ADTRP: variants seen among roughly 807,000 people sequenced by gnomAD.
ADTRP encodes androgen dependent TFPI regulating protein, also known as androgen-dependent TFPI-regulating protein.
In ADTRP, 20 loss-of-function variants were observed where a neutral mutation model predicts 27.0. That is an observed-to-expected ratio of 0.74 (90% CI 0.52 to 1.08). The LOEUF is 1.08. Ranked by LOEUF, ADTRP falls within the 50% of genes least tolerant of loss-of-function variation. The pLI is 0.00. For synonymous variants in ADTRP, 101 were observed against 105.2 expected, an observed-to-expected ratio of 0.96 and a Z score of 0.25; for missense variants, 251 against 275.0, an observed-to-expected ratio of 0.91 and a Z score of 0.62.
At chr6:11,727,248 C>A (rs1304323165) in intron 4 of ADTRP, among the ~76,000 whole-genome samples, 1 of 152,018 alleles carries the variant, frequency 6.6e-6, no homozygotes, top group Non-Finnish European at 1.5e-5. Context: ...TCTCAAACTC[C>A]TGACCTTGTG....
At chr6:11,764,919 C>T (rs1205559949) in intron 3 of ADTRP, among the ~76,000 whole-genome samples, 1 of 116,730 alleles carries the variant, frequency 8.6e-6, no homozygotes, top group Admixed American at 8.9e-5. Flanking sequence ...AAAAAAAAAG[C>T]AGGAATATTC....
At position 11,768,006 on chromosome 6, in the gene ADTRP, G is replaced by A. The variant is rs142393161; in HGVS notation, c.288+243C>T. ...GGTCTTTCAAACTTCCCCATTAGACGGCAATAAGGACCTTGTACCAAGCCT... is the reference window on the plus strand; with the variant it reads ...GGTCTTTCAAACTTCCCCATTAGACAGCAATAAGGACCTTGTACCAAGCCT... On this transcript the variant is annotated intron_variant, in intron 2 of 5. Transcript: ENST00000414691. Among the ~76,000 whole-genome samples the A allele has an allele frequency of 1.3e-4, 20 of 152,228 alleles. No homozygotes were observed. The South Asian group carries it at 3.3e-3, about 25-fold the overall frequency.
At chr6:11,751,776 C>T (rs1053065605) in intron 3 of ADTRP, among the ~76,000 whole-genome samples, 4 of 152,092 alleles carry the variant, frequency 2.6e-5, no homozygotes, top group African/African-American at 9.7e-5. Context: ...CTAGTGTGTC[C>T]GAAAATGTCT....
chr6:11,774,579 G>A (rs534789629), intron 1 of ADTRP, among the ~76,000 whole-genome samples: 261 of 151,862 alleles, frequency 1.7e-3, no homozygotes, highest in Admixed American at 2.9e-3. Context: ...TGGGGCTTGG[G>A]CAACTTATGA....
chr6:11,717,683 C>A lies in ADTRP; in HGVS notation c.659-3171G>T, dbSNP rs553417119. 1.3e-3 allele frequency among the ~76,000 whole-genome samples: 198 copies of A among 152,316 alleles called. 1 individual carries two copies. In the Middle Eastern group the frequency reaches 0.034, roughly 26 times the overall value. On this transcript the variant is annotated intron_variant, in intron 5 of 5. Transcript: ENST00000414691. ...ATAGCAGGTGTTAGAGAAATGAGAT[C>A]TGAGCACTGATAGTCCTGTGTTCAC...
chr6:11,723,856 C>T (rs142279406), intron 4 of ADTRP, among the ~76,000 whole-genome samples: 4,618 of 151,984 alleles, frequency 0.03, 226 homozygotes, highest in African/African-American at 0.11. Context: ...GTCAGGAGTT[C>T]GAGAGCAGCC....
At chr6:11,737,234 T>C (rs528463355) in intron 3 of ADTRP, among the ~76,000 whole-genome samples, 2 of 152,208 alleles carry the variant, frequency 1.3e-5, no homozygotes, top group East Asian at 3.9e-4. Context: ...TTTTTTGTAG[T>C]TCCAGCTATC....
intron 1 of ADTRP, among the ~76,000 whole-genome samples, chr6:11,769,020 G>A (rs1000848760): frequency 2.1e-4 from 32 of 152,164 alleles, no homozygotes; most frequent in African/African-American, 7.0e-4. Flanking sequence ...AGCCATGAGC[G>A]CTGGTGGGTT....
intron 3 of ADTRP, among the ~76,000 whole-genome samples, chr6:11,761,467 TC>T (rs1250616229): frequency 6.6e-6 from 1 of 152,220 alleles, no homozygotes; most frequent in Admixed American, 6.5e-5. Context: ...AAATCAAATG[TC>T]TTGCTTATTA....
At chr6:11,757,001 C>T (rs1296632969) in intron 3 of ADTRP, among the ~76,000 whole-genome samples, 1 of 152,134 alleles carries the variant, frequency 6.6e-6, no homozygotes, top group Non-Finnish European at 1.5e-5. Context: ...AGATCACAAC[C>T]AACACAGATT....
chr6:11,764,758 C>G (rs528287692), intron 3 of ADTRP, among the ~76,000 whole-genome samples: 8 of 152,132 alleles, frequency 5.3e-5, no homozygotes, highest in Non-Finnish European at 7.4e-5. Context: ...ATCACTTATC[C>G]TCTCTGAGCT....
intron 3 of ADTRP, among the ~76,000 whole-genome samples, chr6:11,756,111 T>C (rs1260690106): frequency 2.0e-5 from 3 of 152,192 alleles, no homozygotes; most frequent in African/African-American, 7.2e-5. Context: ...ACCTAGTGGC[T>C]CACATCTGTA....
chr6:11,752,322 A>G (rs1203606775), intron 3 of ADTRP, among the ~76,000 whole-genome samples: 2 of 152,132 alleles, frequency 1.3e-5, no homozygotes, highest in Non-Finnish European at 2.9e-5. Flanking sequence ...CAGAAACGAA[A>G]TCACTCAGGA....
chr6:11,772,533 G>A (rs1763817074), intron 1 of ADTRP, among the ~76,000 whole-genome samples: 1 of 152,170 alleles, frequency 6.6e-6, no homozygotes, highest in Admixed American at 6.5e-5. Context: ...TTCCAGGGAG[G>A]GAGATTCCAC....
At position 11,745,811 on chromosome 6, in the gene ADTRP, GAC is replaced by G. The variant is rs1183974572; in HGVS notation, c.391-10130_391-10129del. 2.0e-5 allele frequency among the ~76,000 whole-genome samples: 3 copies of G among 150,634 alleles called. No homozygotes were observed. The East Asian group carries it at 5.9e-4, about 30-fold the overall frequency. On this transcript the variant is annotated intron_variant, in intron 3 of 5. Transcript: ENST00000414691. Reference sequence around the variant, plus strand: ...TTTTTTTCTTTTTTGTTTTTTTTGAGACAGAGTCTTGCTCTGTCACCCAGGCT... The same window carrying G: ...TTTTTTTCTTTTTTGTTTTTTTTGAGAGAGTCTTGCTCTGTCACCCAGGCT...
At chr6:11,748,642 T>C (rs1224819369) in intron 3 of ADTRP, among the ~76,000 whole-genome samples, 4 of 152,166 alleles carry the variant, frequency 2.6e-5, no homozygotes, top group Non-Finnish European at 5.9e-5. Context: ...AGAACACAAG[T>C]GGAGGCACGT....
At chr6:11,717,274 G>A in intron 5 of ADTRP, 1 of 1,301,962 alleles carries the variant, frequency 7.7e-7, no homozygotes, top group South Asian at 1.2e-5. Context: ...ATAGTAGCAA[G>A]GGCTAGAAAT....
intron 3 of ADTRP, among the ~76,000 whole-genome samples, chr6:11,743,006 TTTTA>T (rs1453010600): frequency 1.3e-5 from 2 of 152,234 alleles, no homozygotes; most frequent in African/African-American, 4.8e-5. Flanking sequence ...TGTTGAACCC[TTTTA>T]TTGCAAATAA....
chr6:11,769,869 C>T (rs969671751), intron 1 of ADTRP, among the ~76,000 whole-genome samples: 1 of 152,084 alleles, frequency 6.6e-6, no homozygotes, highest in African/African-American at 2.4e-5. Context: ...CCAAGTTTAG[C>T]CCTCAAAAAT....
Sources: allele counts gnomAD v4.1 joint callset (sites outside exome capture counted in the v4.1 genomes callset), GRCh38; gene constraint gnomAD v4.1.1; transcripts MANE v1.5; gene names NCBI Gene and HGNC (gene_info 2026-07-23, HGNC 2026-07-21).